The following SLC35F4 variants were observed in gnomAD, a reference collection of about 807,000 sequenced individuals.
SLC35F4 encodes the protein chromosome 14 open reading frame 36.
SLC35F4 carries 24 observed loss-of-function variants against 44.2 expected under a neutral mutation model. The observed-to-expected ratio is 0.54, with a 90% CI of 0.39 to 0.76. The LOEUF (loss-of-function observed/expected upper bound fraction) is 0.76. Ranked by LOEUF, SLC35F4 falls within the 30% of genes least tolerant of loss-of-function variation. The pLI, the probability that SLC35F4 is intolerant of heterozygous loss-of-function variation, is 0.00. For missense variants in SLC35F4, 562 were observed against 586.1 expected (o/e 0.96, Z 0.42); for synonymous variants, 238 against 223.6 (o/e 1.06, Z -0.57).
intron 1 of SLC35F4, chr14:57,799,420 G>GC (rs1376485613): frequency 6.6e-6 from 1 of 152,398 alleles, no homozygotes; most frequent in Non-Finnish European, 1.5e-5. Context: ...ACCTGTTCTG[G>GC]CCCCGGGATT....
intron 1 of SLC35F4, among the ~76,000 whole-genome samples, chr14:57,852,362 G>A (rs1886654993): frequency 6.6e-6 from 1 of 152,126 alleles, no homozygotes; most frequent in African/African-American, 2.4e-5. Flanking sequence ...AACATAATAA[G>A]GTCATGAAAG....
chr14:57,933,751 A>AG (rs1368818178), intron 1 of SLC35F4, among the ~76,000 whole-genome samples: 1 of 152,368 alleles, frequency 6.6e-6, no homozygotes, highest in South Asian at 2.1e-4. Context: ...AAGGGATTTG[A>AG]GGCATAAATA....
chr14:57,891,983 A>G (rs992963242), intron 1 of SLC35F4, among the ~76,000 whole-genome samples: 3 of 152,234 alleles, frequency 2.0e-5, no homozygotes, highest in African/African-American at 7.2e-5. Flanking sequence ...TTTCTCATAC[A>G]TATTGTTATA....
intron 1 of SLC35F4, among the ~76,000 whole-genome samples, chr14:57,729,402 C>T (rs567551682): frequency 5.4e-4 from 82 of 152,298 alleles, no homozygotes; most frequent in Non-Finnish European, 1.0e-3. Flanking sequence ...GCATACTCCT[C>T]GGGTATTGCT....
At chr14:57,910,964 G>A (rs902988413) in intron 1 of SLC35F4, among the ~76,000 whole-genome samples, 6 of 151,902 alleles carry the variant, frequency 3.9e-5, no homozygotes, top group Admixed American at 2.6e-4. Context: ...GAGATTTGTG[G>A]TTGTCATCAT....
intron 1 of SLC35F4, among the ~76,000 whole-genome samples, chr14:57,738,924 A>G (rs753617386): frequency 1.5e-4 from 22 of 151,390 alleles, no homozygotes; most frequent in Non-Finnish European, 2.8e-4. Flanking sequence ...GAAATCTAGG[A>G]GTTGTTCTGG....
intron 1 of SLC35F4, among the ~76,000 whole-genome samples, chr14:57,633,777 A>C (rs1209703778): frequency 6.6e-6 from 1 of 152,134 alleles, no homozygotes; most frequent in African/African-American, 2.4e-5. Flanking sequence ...TAAACCATGT[A>C]GTATATAACA....
Position 57,605,778 on chromosome 14 carries a change from C to A in SLC35F4, c.104-11654G>T, listed in dbSNP as rs1052974754. 2.0e-5 allele frequency among the ~76,000 whole-genome samples: 3 copies of A among 151,490 alleles called. No homozygotes were observed. The South Asian group carries it at 6.2e-4, about 32-fold the overall frequency. ...AGATACACCATGGAATATTATACAG[C>A]CACAAAAGAGAATGAAATCACGTCC... On this transcript the variant is annotated intron_variant, in intron 1 of 7. Transcript: ENST00000556826.
At chr14:57,624,643 G>T (rs1477287267) in intron 1 of SLC35F4, among the ~76,000 whole-genome samples, 1 of 152,116 alleles carries the variant, frequency 6.6e-6, no homozygotes, top group Non-Finnish European at 1.5e-5. Context: ...TGCAAGATTG[G>T]TTCAACATAT....
intron 1 of SLC35F4, among the ~76,000 whole-genome samples, chr14:57,707,551 G>T (rs114522328): frequency 0.046 from 7,064 of 152,232 alleles, 209 homozygotes; most frequent in South Asian, 0.082. Context: ...ATGAGTCAAT[G>T]AAACCTCTTT....
chr14:57,839,563 G>A (rs1362435354), intron 1 of SLC35F4, among the ~76,000 whole-genome samples: 1 of 152,086 alleles, frequency 6.6e-6, no homozygotes, highest in Non-Finnish European at 1.5e-5. Flanking sequence ...GGGCAGCGGG[G>A]AGTGGGGAGG....
chr14:57,670,068 T>C (rs908927520), intron 1 of SLC35F4, among the ~76,000 whole-genome samples: 1 of 152,260 alleles, frequency 6.6e-6, no homozygotes, highest in East Asian at 1.9e-4. Flanking sequence ...GGAGAGTGTA[T>C]GTGTCGAGGA....
intron 1 of SLC35F4, among the ~76,000 whole-genome samples, chr14:57,946,418 G>A (rs187942677): frequency 2.7e-5 from 4 of 149,330 alleles, no homozygotes; most frequent in East Asian, 2.0e-4. Flanking sequence ...TTGCTTTGTC[G>A]AAGATCAGTT....
At chr14:57,710,773 T>G (rs1433160780) in intron 1 of SLC35F4, among the ~76,000 whole-genome samples, 1 of 152,096 alleles carries the variant, frequency 6.6e-6, no homozygotes, top group African/African-American at 2.4e-5. Context: ...CCCCTTAGTT[T>G]TGGCCAACTT....
At chr14:57,618,610 G>C (rs1013184333) in intron 1 of SLC35F4, among the ~76,000 whole-genome samples, 2 of 152,210 alleles carry the variant, frequency 1.3e-5, no homozygotes, top group African/African-American at 4.8e-5. Context: ...AAACTGGGTG[G>C]TCACTTGGGC....
intron 1 of SLC35F4, among the ~76,000 whole-genome samples, chr14:57,753,874 A>T (rs1447153605): frequency 6.6e-6 from 1 of 151,874 alleles, no homozygotes; most frequent in African/African-American, 2.4e-5. Flanking sequence ...CTAGGGTGGG[A>T]GGTATCTGTA....
intron 1 of SLC35F4, among the ~76,000 whole-genome samples, chr14:57,925,537 G>T (rs1447168229): frequency 2.7e-5 from 3 of 109,970 alleles, no homozygotes; most frequent in Admixed American, 8.5e-5. Flanking sequence ...GAGGGAGGGA[G>T]GGAGGGAGGA....
intron 1 of SLC35F4, among the ~76,000 whole-genome samples, chr14:57,863,943 T>C (rs906653409): frequency 2.6e-4 from 40 of 152,188 alleles, no homozygotes; most frequent in Admixed American, 7.2e-4. Context: ...TGCTCTTCCC[T>C]TTTTTTGTCC....
chr14:57,589,459 T>C lies in SLC35F4; in HGVS notation c.344A>G (p.Lys115Arg). Residue 115 changes from lysine to arginine, a missense_variant, in exon 3 of 8, where the codon AAG (lysine) becomes AGG (arginine). Transcript: ENST00000556826. ...GGACGTGCAGGACAGGCAGCGAGCC[T>C]TGATTCTGTTTTCTTGGCTGCTGTT... ...SENSSQENRI[K>R]ARCLSCTSMV... The C allele has an allele frequency of 6.2e-7, 1 of 1,613,742 alleles. No homozygotes were observed. Among genetic ancestry groups the C allele is most frequent in the Non-Finnish European group, 8.5e-7 (1 of 1,179,832 alleles).
Sources: allele counts gnomAD v4.1 joint callset (sites outside exome capture counted in the v4.1 genomes callset), GRCh38; gene constraint gnomAD v4.1.1; transcripts MANE v1.5; gene names NCBI Gene and HGNC (gene_info 2026-07-23, HGNC 2026-07-21).